PAM: variants seen among roughly 807,000 people sequenced by gnomAD.
The protein encoded by PAM is peptidylglycine alpha-amidating monooxygenase.
In PAM, 72 loss-of-function variants were observed where a neutral mutation model predicts 122.1. The ratio of observed to expected loss-of-function variants is 0.59; its 90% CI spans 0.49 to 0.72. The LOEUF (loss-of-function observed/expected upper bound fraction) is 0.72. Ranked by LOEUF, PAM falls within the 30% of genes least tolerant of loss-of-function variation. The pLI is 0.00. For missense variants in PAM, 1,106 were observed against 1,183.7 expected, an observed-to-expected ratio of 0.93 and a Z score of 0.96; for synonymous variants, 389 against 404.4, an observed-to-expected ratio of 0.96 and a Z score of 0.46.
intron 1 of PAM, among the ~76,000 whole-genome samples, chr5:102,758,094 T>C (rs1252787041): frequency 1.1e-5 from 1 of 95,184 alleles, no homozygotes; most frequent in Non-Finnish European, 2.2e-5. Flanking sequence ...TTTTTTTTTT[T>C]TTTTTTTTTT....
chr5:102,858,993 T>TGATGTTAACA (rs1190369614), intron 1 of PAM, among the ~76,000 whole-genome samples: 1 of 152,268 alleles, frequency 6.6e-6, no homozygotes, highest in Non-Finnish European at 1.5e-5. Flanking sequence ...GTGGTGATGC[T>TGATGTTAACA]GATGTTAACA....
chr5:102,943,943 A>T (rs1419102871), intron 7 of PAM, among the ~76,000 whole-genome samples: 1 of 152,188 alleles, frequency 6.6e-6, no homozygotes, highest in Non-Finnish European at 1.5e-5. Flanking sequence ...CAGTATCTGG[A>T]AATACTCATT....
intron 1 of PAM, among the ~76,000 whole-genome samples, chr5:102,799,933 G>T (rs1312141787): frequency 1.3e-5 from 2 of 152,212 alleles, no homozygotes; most frequent in South Asian, 4.1e-4. Context: ...AACAATGTTT[G>T]GGGACTGTGT....
chr5:102,972,370 C>G lies in PAM; in HGVS notation c.1163-1746C>G, dbSNP rs1196037073. Among the ~76,000 whole-genome samples, 4 of 152,178 alleles carry G rather than the reference C, an allele frequency of 2.6e-5. No homozygotes were observed. In the South Asian group the frequency reaches 6.2e-4, roughly 24 times the overall value. On this transcript the variant is annotated intron_variant, in intron 14 of 25. Transcript: ENST00000438793. Reference sequence around the variant, plus strand: ...GATCATAGCTCACTGCAGCCTTGAACTCCTGAGCTCAAGCAGTCCTCCCAC... The same window carrying G: ...GATCATAGCTCACTGCAGCCTTGAAGTCCTGAGCTCAAGCAGTCCTCCCAC...
intron 5 of PAM, among the ~76,000 whole-genome samples, chr5:102,915,318 G>A (rs374105086): frequency 6.6e-6 from 1 of 152,084 alleles, no homozygotes; most frequent in African/African-American, 2.4e-5. Flanking sequence ...ACAATATAAT[G>A]TGTATTTGGA....
At chr5:102,791,537 T>C (rs1429257781) in intron 1 of PAM, among the ~76,000 whole-genome samples, 5 of 152,154 alleles carry the variant, frequency 3.3e-5, no homozygotes, top group South Asian at 2.1e-4. Context: ...GTAAGACTTA[T>C]TTATGTGTTA....
intron 21 of PAM, among the ~76,000 whole-genome samples, chr5:103,011,365 C>G (rs1215347256): frequency 6.9e-6 from 1 of 145,282 alleles, no homozygotes; most frequent in African/African-American, 2.6e-5. Context: ...TACACACACA[C>G]ACAAACACAC....
intron 1 of PAM, among the ~76,000 whole-genome samples, chr5:102,773,406 C>T (rs1377883334): frequency 6.6e-6 from 1 of 152,072 alleles, no homozygotes; most frequent in Non-Finnish European, 1.5e-5. Context: ...CACATGTGAT[C>T]TCTGTTGCAA....
chr5:102,834,783 A>T (rs1247524572), intron 1 of PAM, among the ~76,000 whole-genome samples: 3 of 152,044 alleles, frequency 2.0e-5, no homozygotes, highest in Non-Finnish European at 4.4e-5. Context: ...GAGGGAAGAG[A>T]TCCCTGGGAT....
intron 3 of PAM, among the ~76,000 whole-genome samples, chr5:102,872,734 C>A (rs1420896835): frequency 6.6e-6 from 1 of 152,100 alleles, no homozygotes; most frequent in East Asian, 1.9e-4. Context: ...ATTCAGAATG[C>A]CAATTAAATT....
At chr5:102,913,255 T>G (rs1801986983) in intron 4 of PAM, among the ~76,000 whole-genome samples, 1 of 152,036 alleles carries the variant, frequency 6.6e-6, no homozygotes, top group Admixed American at 6.6e-5. Flanking sequence ...CTTTTAATTA[T>G]GCACTTGTTT....
chr5:102,798,225 C>T (rs1763850094), intron 1 of PAM, among the ~76,000 whole-genome samples: 1 of 152,112 alleles, frequency 6.6e-6, no homozygotes, highest in Non-Finnish European at 1.5e-5. Context: ...GATCAGTGCC[C>T]AAAGTACCTC....
rs1311199307 is a variant in PAM, at chr5:102,946,871, C to T, written c.561C>T (p.His187=). ...AGGACTGTTCTGGTGTGTCCTTACA[C>T]CTCACACGTCTGCCGTAAGTACTTC... is the stretch of plus-strand genomic sequence containing the variant. ...NNKDCSGVSL[H]LTRLPQPLIA... The change falls in exon 8 of 26, where the codon CAC becomes CAT. Residue 187 remains histidine, a synonymous_variant. Coordinates refer to ENST00000438793, the MANE Select transcript of PAM (RefSeq NM_001177306.2). The T allele has an allele frequency of 2.5e-6, 4 of 1,601,110 alleles. No homozygotes were observed. Among genetic ancestry groups the T allele is most frequent in the Non-Finnish European group, 2.6e-6 (3 of 1,168,992 alleles).
chr5:102,984,694 T>C (rs1771145058), intron 15 of PAM, among the ~76,000 whole-genome samples: 1 of 152,010 alleles, frequency 6.6e-6, no homozygotes, highest in Non-Finnish European at 1.5e-5. Context: ...AGACAGAAAA[T>C]AAACATTGGA....
chr5:102,970,120 CAT>C (rs1423322876), intron 14 of PAM, among the ~76,000 whole-genome samples: 3 of 152,006 alleles, frequency 2.0e-5, no homozygotes, highest in African/African-American at 7.2e-5. Flanking sequence ...TTGGAGAAGT[CAT>C]ACAACGGTGA....
rs950844056 is a variant in PAM, at chr5:103,024,062, T to G, written c.2486-1069T>G. Among the ~76,000 whole-genome samples, 5 of 152,248 alleles carry G rather than the reference T, an allele frequency of 3.3e-5. No individual in the cohort carries two copies. The South Asian group carries it at 8.3e-4, about 25-fold the overall frequency. On this transcript the variant is annotated intron_variant, in intron 23 of 25. Transcript: ENST00000438793. ...CATTTTGTCAAAATCTTCTTGAGGC[T>G]TTACAATGCATTCTGTATCGTAGGG... is the stretch of plus-strand genomic sequence containing the variant.
At chr5:102,891,374 A>T (rs1391596766) in intron 3 of PAM, among the ~76,000 whole-genome samples, 1 of 151,818 alleles carries the variant, frequency 6.6e-6, no homozygotes, top group Non-Finnish European at 1.5e-5. Context: ...TTTATATTTG[A>T]TTTTATAGTT....
chr5:102,899,299 G>T (rs545898153), intron 3 of PAM, among the ~76,000 whole-genome samples: 184 of 151,656 alleles, frequency 1.2e-3, no homozygotes, highest in African/African-American at 4.2e-3. Context: ...AGTATAAATA[G>T]CAGGTTCCTT....
intron 5 of PAM, among the ~76,000 whole-genome samples, chr5:102,924,189 T>C (rs1321726168): frequency 1.3e-5 from 2 of 152,058 alleles, no homozygotes; most frequent in African/African-American, 2.4e-5. Flanking sequence ...CCCAGCACTT[T>C]GGGAGGCTGA....
Sources: gnomAD v4.1 joint callset for allele counts (sites outside exome capture counted in the v4.1 genomes callset) on GRCh38, gnomAD v4.1.1 for gene constraint, MANE v1.5 for transcripts, NCBI Gene and HGNC (gene_info 2026-07-23, HGNC 2026-07-21) for gene names.